PAK1IP1: variants seen among roughly 807,000 people sequenced by gnomAD.
The protein encoded by PAK1IP1 is p21-activated protein kinase-interacting protein 1.
In PAK1IP1, 24 loss-of-function variants were observed where a neutral mutation model predicts 42.0. The observed-to-expected ratio is 0.57, with a 90% CI of 0.41 to 0.80. PAK1IP1 has a LOEUF of 0.80. Ranked by LOEUF, PAK1IP1 falls within the 30% of genes least tolerant of loss-of-function variation. The pLI is 0.00. For missense variants in PAK1IP1, 411 were observed against 467.9 expected, an observed-to-expected ratio of 0.88 and a Z score of 1.12; for synonymous variants, 154 against 156.7, an observed-to-expected ratio of 0.98 and a Z score of 0.13.
intron 2 of PAK1IP1, among the ~76,000 whole-genome samples, chr6:10,702,025 A>G (rs1344169321): frequency 6.6e-6 from 1 of 152,202 alleles, no homozygotes; most frequent in East Asian, 1.9e-4. Context: ...ACTTGGGCCC[A>G]GGAGTTCAAG....
In PAK1IP1 at chr6:10,695,043, G is replaced by A; in HGVS notation, c.58G>A (p.Glu20Lys). The A allele has an allele frequency of 1.2e-6, 2 of 1,602,860 alleles. No homozygotes were observed. The highest frequency in any genetic ancestry group is 4.5e-5 in the East Asian group (2 of 44,850). The change falls in exon 1 of 10, where the codon GAG (glutamate) becomes AAG (lysine). Residue 20 changes from glutamate to lysine, a missense_variant. Transcript: ENST00000379568. ...QVLFGFAVHP[E>K]PEACGDHEQW... ...CCTCTTTGGGTTCGCTGTACACCCG[G>A]AGCCCGAGGCTTGCGGCGACCACGA...
chr6:10,695,132 A>C (rs1413422401), intron 1 of PAK1IP1, 63 bp downstream of exon 1: 29 of 1,034,830 alleles, frequency 2.8e-5, no homozygotes, highest in Non-Finnish European at 3.8e-5. Context: ...TTTGGTTCCT[A>C]CACAGCAGAG....
intron 2 of PAK1IP1, among the ~76,000 whole-genome samples, chr6:10,701,593 G>A (rs1397680538): frequency 6.6e-6 from 1 of 152,218 alleles, no homozygotes; most frequent in Non-Finnish European, 1.5e-5. Context: ...AGGAAAATAT[G>A]AACAAATGAA....
chr6:10,706,627 G>T lies in PAK1IP1; in HGVS notation c.741-788G>T, dbSNP rs56750891. ...TGGCCAGGTGCAGTGGCTCATGCCTGTAATCCTGGCACTTTGGGAGGCTGA... is the reference window on the plus strand; with the variant it reads ...TGGCCAGGTGCAGTGGCTCATGCCTTTAATCCTGGCACTTTGGGAGGCTGA... On this transcript the variant is annotated intron_variant, in intron 7 of 9. Transcript: ENST00000379568. 5.7e-3 allele frequency among the ~76,000 whole-genome samples: 874 copies of T among 152,262 alleles called. 6 individuals carry two copies. The highest frequency in any genetic ancestry group is 0.02 in the African/African-American group (830 of 41,546).
At chr6:10,694,945 A>C (rs774544435), upstream of PAK1IP1, 3 of 1,248,530 alleles carry the variant, frequency 2.4e-6, no homozygotes, top group South Asian at 2.4e-5. Context: ...TGTCACCTCC[A>C]GGCTGAGCCG....
chr6:10,703,482 G>A (rs1343966580), intron 5 of PAK1IP1, 25 bp downstream of exon 5: 3 of 1,523,342 alleles, frequency 2.0e-6, no homozygotes, highest in Non-Finnish European at 2.7e-6. Context: ...TTGAAATGCA[G>A]GTTGAGCATT....
upstream of PAK1IP1, chr6:10,694,604 C>CT: frequency 6.1e-5 from 12 of 196,370 alleles, no homozygotes; most frequent in South Asian, 2.9e-4. Context: ...CCCTAAGCAA[C>CT]CGGCCGGAAG....
chr6:10,704,896 A>C, intron 7 of PAK1IP1, 52 bp downstream of exon 7: 1 of 1,079,996 alleles, frequency 9.3e-7, no homozygotes, highest in Non-Finnish European at 1.4e-6. Context: ...AAAGGTATAT[A>C]TGCAGTAGTT....
chr6:10,705,106 G>T (rs902386267), intron 7 of PAK1IP1, among the ~76,000 whole-genome samples: 16 of 152,124 alleles, frequency 1.1e-4, no homozygotes, highest in Non-Finnish European at 1.8e-4. Flanking sequence ...GGGCGGATCA[G>T]GAGGTCAAGA....
At chr6:10,699,705 C>A (rs1554150292) in intron 2 of PAK1IP1, among the ~76,000 whole-genome samples, 1 of 151,866 alleles carries the variant, frequency 6.6e-6, no homozygotes, top group Non-Finnish European at 1.5e-5. Context: ...TTTTCCTACC[C>A]AATCTTACAT....
intron 7 of PAK1IP1, 32 bp from the exon 8 acceptor site, chr6:10,707,383 G>C (rs1457786146): frequency 8.6e-7 from 1 of 1,161,068 alleles, no homozygotes; most frequent in African/African-American, 1.5e-5. Flanking sequence ...TGGAGGAAAA[G>C]ATCTTTTATG....
At chr6:10,691,986 C>G (rs1257208932), upstream of PAK1IP1, among the ~76,000 whole-genome samples, 1 of 152,112 alleles carries the variant, frequency 6.6e-6, no homozygotes, top group Non-Finnish European at 1.5e-5. Flanking sequence ...GTAACAGATT[C>G]TAAATAATCA....
At chr6:10,694,492 A>G (rs73439094), upstream of PAK1IP1, 11,199 of 156,098 alleles carry the variant, frequency 0.072, 1,201 homozygotes, top group African/African-American at 0.24. Context: ...ACCCCTCCTT[A>G]CCCTATTAAC....
At position 10,704,783 on chromosome 6, in the gene PAK1IP1, A is replaced by C; in HGVS notation, c.679A>C (p.Ile227Leu). ...TGCAGTGGCTGGAGATGAAGAAGTTATAAGGTTTTTTGACTGTGATTCACT... is the reference window on the plus strand; with the variant it reads ...TGCAGTGGCTGGAGATGAAGAAGTTCTAAGGTTTTTTGACTGTGATTCACT... The part of the protein sequence containing the change: ...VLAVAGDEEV[I>L]RFFDCDSLVC... Residue 227 changes from isoleucine to leucine, a missense_variant, in exon 7 of 10, where the codon ATA becomes CTA. Coordinates refer to ENST00000379568, the MANE Select transcript of PAK1IP1 (RefSeq NM_017906.3). 6.2e-7 allele frequency: 1 copy of C among 1,613,756 alleles called. No individual in the cohort carries two copies.
At chr6:10,694,749 T>G (rs999318955), upstream of PAK1IP1, 2 of 442,714 alleles carry the variant, frequency 4.5e-6, no homozygotes, top group Non-Finnish European at 8.1e-6. Flanking sequence ...CTCCTTGCAG[T>G]GAGAACCTCC....
At chr6:10,691,201 T>C (rs1324341002), upstream of PAK1IP1, among the ~76,000 whole-genome samples, 2 of 152,268 alleles carry the variant, frequency 1.3e-5, no homozygotes, top group African/African-American at 4.8e-5. Flanking sequence ...AAACAGTACT[T>C]AAATTGTAGC....
intron 1 of PAK1IP1, among the ~76,000 whole-genome samples, chr6:10,695,810 A>G (rs1225348130): frequency 6.6e-6 from 1 of 152,224 alleles, no homozygotes; most frequent in Admixed American, 6.5e-5. Context: ...TTCTTTATGA[A>G]GTCAAGGCGT....
upstream of PAK1IP1, among the ~76,000 whole-genome samples, chr6:10,691,753 C>T (rs1234629562): frequency 6.6e-6 from 1 of 152,102 alleles, no homozygotes; most frequent in East Asian, 1.9e-4. Context: ...CCAGGAACCC[C>T]CAGATTAGTA....
At position 10,695,044 on chromosome 6, in the gene PAK1IP1, A is replaced by C. The variant is rs1331835439; in HGVS notation, c.59A>C (p.Glu20Ala). 21 of 1,601,468 alleles carry C rather than the reference A, an allele frequency of 1.3e-5. No homozygotes were observed. Among genetic ancestry groups the C allele is most frequent in the Non-Finnish European group, 1.5e-5 (18 of 1,179,046 alleles). The change falls in exon 1 of 10, where the codon GAG becomes GCG. Residue 20 changes from glutamate to alanine, a missense_variant. Glu to Ala is a moderately radical substitution (Grantham distance 107, BLOSUM62 -1). Coordinates refer to ENST00000379568, the MANE Select transcript of PAK1IP1 (RefSeq NM_017906.3). ...QVLFGFAVHPEPEACGDHEQW... is the reference protein window; with the variant it reads ...QVLFGFAVHPAPEACGDHEQW... ...CTCTTTGGGTTCGCTGTACACCCGG[A>C]GCCCGAGGCTTGCGGCGACCACGAG...
Sources: gnomAD v4.1 joint callset for allele counts (sites outside exome capture counted in the v4.1 genomes callset) on GRCh38, gnomAD v4.1.1 for gene constraint, MANE v1.5 for transcripts, NCBI Gene and HGNC (gene_info 2026-07-23, HGNC 2026-07-21) for gene names.